The following FAM168B variants were observed in gnomAD, a reference collection of about 807,000 sequenced individuals.
The protein encoded by FAM168B is myelin-associated neurite-outgrowth inhibitor.
In FAM168B, 19 loss-of-function variants were observed where a neutral mutation model predicts 21.8. That is an observed-to-expected ratio of 0.87 (90% CI 0.61 to 1.28). The LOEUF is 1.28. FAM168B is among the 50% of genes most tolerant of loss of function. The pLI is 0.00. For missense variants in FAM168B, 233 were observed against 263.1 expected, an observed-to-expected ratio of 0.89 and a Z score of 0.79; for synonymous variants, 126 against 104.8, an observed-to-expected ratio of 1.20 and a Z score of -1.24.
At chr2:131,083,912 ATTTATTTT>A (rs1452504838) in intron 1 of FAM168B, among the ~76,000 whole-genome samples, 2 of 131,222 alleles carry the variant, frequency 1.5e-5, no homozygotes, top group Non-Finnish European at 3.2e-5. Context: ...TTATTTATTT[ATTTATTTT>A]CCCAGACGGA....
chr2:131,080,393 T>G (rs1359162514), intron 2 of FAM168B, among the ~76,000 whole-genome samples: 1 of 151,164 alleles, frequency 6.6e-6, no homozygotes, highest in African/African-American at 2.4e-5. Flanking sequence ...ATCACAGCAC[T>G]TTGGGAGGCT....
At position 131,049,521 on chromosome 2, in the gene FAM168B, T is replaced by C; in HGVS notation, c.*2944A>G. On this transcript the variant is annotated 3_prime_UTR_variant, in exon 7 of 7. Transcript: ENST00000389915. ...TGGCCCTCACAGAGCGGCAAGTTCA[T>C]GGGTCACTGGCTCACACTAAATGCT... The C allele has an allele frequency of 1.0e-6, 1 of 985,462 alleles. No homozygotes were observed. Among genetic ancestry groups the C allele is most frequent in the Non-Finnish European group, 1.2e-6 (1 of 829,946 alleles). The allele number at this position is 985,462 out of a possible 1,614,324, so 61.0% of individuals were successfully genotyped here. A position where few individuals can be genotyped will look rare whatever the true frequency, so the allele number is the denominator to read the frequency against.
intron 2 of FAM168B, among the ~76,000 whole-genome samples, chr2:131,072,415 C>T (rs1252344069): frequency 1.3e-5 from 2 of 152,054 alleles, no homozygotes; most frequent in Non-Finnish European, 1.5e-5. Context: ...TGAGCCACCA[C>T]GCCTGGCTTT....
intron 1 of FAM168B, among the ~76,000 whole-genome samples, chr2:131,088,032 G>A (rs1178653748): frequency 6.6e-6 from 1 of 152,054 alleles, no homozygotes; most frequent in Non-Finnish European, 1.5e-5. Flanking sequence ...GATCACTTGA[G>A]ACCACGCGTT....
intron 2 of FAM168B, among the ~76,000 whole-genome samples, chr2:131,079,451 G>A (rs1371557538): frequency 6.6e-6 from 1 of 152,204 alleles, no homozygotes. Flanking sequence ...CTCCAGCCTG[G>A]GTGACAAGAG....
Position 131,065,759 on chromosome 2 carries a change from A to G in FAM168B, c.154+6096T>C, listed in dbSNP as rs181339997. ...AGCTGAGATCGCACTACTGCACTCC[A>G]GCCTGGGCAACAGAGCGAGACTCCA... On this transcript the variant is annotated intron_variant, in intron 3 of 6. Transcript: ENST00000389915. Among the ~76,000 whole-genome samples the G allele has an allele frequency of 3.1e-3, 466 of 150,878 alleles. 1 individual carries two copies. Among genetic ancestry groups the G allele is most frequent in the South Asian group, 7.2e-3 (34 of 4,726 alleles).
At chr2:131,053,141 C>T (rs1006660150) in intron 5 of FAM168B, 126 bp from the exon 6 acceptor site, 1 of 1,304,912 alleles carries the variant, frequency 7.7e-7, no homozygotes, top group Non-Finnish European at 1.0e-6. Flanking sequence ...AGTCTTGACC[C>T]AGATACTGTC....
chr2:131,083,310 C>T (rs534557889), intron 1 of FAM168B, among the ~76,000 whole-genome samples: 2 of 152,288 alleles, frequency 1.3e-5, no homozygotes, highest in East Asian at 1.9e-4. Flanking sequence ...GCCAATATTG[C>T]ACCACTGCAC....
At chr2:131,088,346 A>G (rs1693825649) in intron 1 of FAM168B, among the ~76,000 whole-genome samples, 1 of 152,048 alleles carries the variant, frequency 6.6e-6, no homozygotes, top group Non-Finnish European at 1.5e-5. Flanking sequence ...TGAAACAATC[A>G]GACAAACCCC....
chr2:131,060,933 A>G (rs1442913082), intron 3 of FAM168B, among the ~76,000 whole-genome samples: 4 of 151,180 alleles, frequency 2.6e-5, no homozygotes, highest in Admixed American at 2.0e-4. Flanking sequence ...CTCACTGCAA[A>G]CTCCGCCTCC....
chr2:131,049,683 G>C lies in FAM168B; in HGVS notation c.*2782C>G. ...GCCATCATGATGTCCATGTTTACAT[G>C]AACTAGGTCCTTTGCTTACCTGCTG... On this transcript the variant is annotated 3_prime_UTR_variant, in exon 7 of 7. Transcript: ENST00000389915. The C allele has an allele frequency of 2.0e-6, 2 of 985,814 alleles. No individual in the cohort carries two copies. The highest frequency in any genetic ancestry group is 2.4e-6 in the Non-Finnish European group (2 of 829,934). The allele number at this position is 985,814 out of a possible 1,614,324, so 61.1% of individuals were successfully genotyped here. A position where few individuals can be genotyped will look rare whatever the true frequency, so the allele number is the denominator to read the frequency against.
intron 2 of FAM168B, among the ~76,000 whole-genome samples, chr2:131,076,220 TCTTTCTGGGTACCCCAAC>T: frequency 6.6e-6 from 1 of 152,236 alleles, no homozygotes; most frequent in African/African-American, 2.4e-5. Flanking sequence ...CTATTCCTGA[TCTTTCTGGGTACCCCAAC>T]CCCCAGCAGA....
chr2:131,083,359 AC>A (rs1472288673), intron 1 of FAM168B, among the ~76,000 whole-genome samples: 2 of 152,112 alleles, frequency 1.3e-5, no homozygotes, highest in East Asian at 1.9e-4. Flanking sequence ...TCTCAAAAAA[AC>A]AAAACAAAAC....
chr2:131,061,410 C>A (rs996903389), intron 3 of FAM168B, among the ~76,000 whole-genome samples: 1 of 151,940 alleles, frequency 6.6e-6, no homozygotes, highest in Non-Finnish European at 1.5e-5. Context: ...AAACAACAGT[C>A]ATGCATGAGG....
At position 131,055,529 on chromosome 2, in the gene FAM168B, A is replaced by G. The variant is rs371711272; in HGVS notation, c.297+24T>C. ...CCCAGGTGGTATCACCCCTTCCCACACAGCAGTGTGTACCCAAGCATACCT... is the reference window on the plus strand; with the variant it reads ...CCCAGGTGGTATCACCCCTTCCCACGCAGCAGTGTGTACCCAAGCATACCT... On this transcript the variant is annotated intron_variant, in intron 4 of 6. Coordinates refer to ENST00000389915, the MANE Select transcript of FAM168B (RefSeq NM_001009993.4). 4.0e-5 allele frequency: 64 copies of G among 1,600,454 alleles called. No homozygotes were observed. The African/African-American group carries it at 7.3e-4, about 18-fold the overall frequency.
At chr2:131,066,117 T>C (rs931160173) in intron 3 of FAM168B, among the ~76,000 whole-genome samples, 9 of 151,788 alleles carry the variant, frequency 5.9e-5, no homozygotes, top group South Asian at 4.2e-4. Flanking sequence ...CCAATGACCA[T>C]GGAAGCTATT....
chr2:131,050,191 G>A lies in FAM168B; in HGVS notation c.*2274C>T, dbSNP rs1278029563. 1.0e-6 allele frequency: 1 copy of A among 985,360 alleles called. No individual in the cohort carries two copies. Among genetic ancestry groups the A allele is most frequent in the African/African-American group, 1.7e-5 (1 of 57,246 alleles). 61.0% of individuals were successfully genotyped at this position (985,360 alleles called of 1,614,324 possible). ...TGTGTGCCAAGTACCAAGCAAGCCT[G>A]AAGAGATGCCTGTAACTTCTAACCT... On this transcript the variant is annotated 3_prime_UTR_variant, in exon 7 of 7. Transcript: ENST00000389915.
rs1693303604 is a variant in FAM168B at position 131,078,985 on chromosome 2, A to G, written c.70+3592T>C. Among the ~76,000 whole-genome samples the G allele has an allele frequency of 2.0e-5, 3 of 150,286 alleles. No homozygotes were observed. In the South Asian group the frequency reaches 6.3e-4, roughly 32 times the overall value. On this transcript the variant is annotated intron_variant, in intron 2 of 6. Coordinates refer to ENST00000389915, the MANE Select transcript of FAM168B (RefSeq NM_001009993.4). ...CTGAATGACAGAGCAAGACCCTTTC[A>G]CAAAAAAAAAAAAAAAAATTATTTT...
intron 2 of FAM168B, among the ~76,000 whole-genome samples, chr2:131,073,441 T>C (rs1257043328): frequency 6.6e-6 from 1 of 152,214 alleles, no homozygotes. Flanking sequence ...CCAGCTAATA[T>C]GTTTTCATAT....
Sources: allele counts gnomAD v4.1 joint callset (sites outside exome capture counted in the v4.1 genomes callset), GRCh38; gene constraint gnomAD v4.1.1; transcripts MANE v1.5; gene names NCBI Gene and HGNC (gene_info 2026-07-23, HGNC 2026-07-21).